Variants in COMMD1 observed in about 807,000 individuals in gnomAD.
The protein encoded by COMMD1 is copper metabolism domain containing 1.
Under a neutral mutation model 17.2 loss-of-function variants are expected in COMMD1, and 10 were observed. The ratio of observed to expected loss-of-function variants is 0.58; its 90% CI spans 0.36 to 0.99. The LOEUF is 0.99. COMMD1 is among the 50% of genes least tolerant of loss of function. The pLI is 0.01. For synonymous variants in COMMD1, 97 were observed against 91.6 expected (o/e 1.06, Z -0.34); for missense variants, 270 against 231.8 (o/e 1.17, Z -1.07).
intron 1 of COMMD1, among the ~76,000 whole-genome samples, chr2:61,958,272 T>C (rs1671246617): frequency 6.6e-6 from 1 of 150,876 alleles, no homozygotes; most frequent in Admixed American, 6.6e-5. Flanking sequence ...TTCTTTCCTT[T>C]TTTTTTTTTT....
intron 2 of COMMD1, 105 bp downstream of exon 2, chr2:62,001,087 C>T: frequency 9.2e-7 from 1 of 1,088,440 alleles, no homozygotes; most frequent in Middle Eastern, 2.9e-4. Context: ...CAGGAAAAGA[C>T]ACTGTTTCCT....
chr2:62,105,433 C>G (rs187325470), intron 2 of COMMD1, among the ~76,000 whole-genome samples: 6 of 151,392 alleles, frequency 4.0e-5, no homozygotes, highest in Admixed American at 6.6e-5. Context: ...ATTAATGCTA[C>G]ATAATATGTA....
intron 2 of COMMD1, among the ~76,000 whole-genome samples, chr2:62,065,947 G>A: frequency 6.6e-6 from 1 of 152,174 alleles, no homozygotes; most frequent in East Asian, 1.9e-4. Flanking sequence ...ATAAGAGTGG[G>A]AAATAGCTAG....
chr2:62,110,285 G>T (rs896490105), intron 2 of COMMD1, among the ~76,000 whole-genome samples: 1 of 152,040 alleles, frequency 6.6e-6, no homozygotes, highest in African/African-American at 2.4e-5. Context: ...TGCCCAGGCT[G>T]GTCATCTACT....
chr2:62,105,422 TATTA>T (rs1479993463), intron 2 of COMMD1, among the ~76,000 whole-genome samples: 1 of 152,188 alleles, frequency 6.6e-6, no homozygotes, highest in Admixed American at 6.5e-5. Context: ...TAAAATATGT[TATTA>T]ATGCTACATA....
chr2:62,015,700 TTTTTTTTTTC>T (rs1371081466), intron 2 of COMMD1, among the ~76,000 whole-genome samples: 1 of 151,232 alleles, frequency 6.6e-6, no homozygotes, highest in African/African-American at 2.4e-5. Context: ...TCTGGGTTTT[TTTTTTTTTTC>T]TTTTTTTTTT....
intron 1 of COMMD1, among the ~76,000 whole-genome samples, chr2:61,898,992 A>G (rs1454491320): frequency 2.0e-5 from 3 of 152,240 alleles, no homozygotes; most frequent in African/African-American, 7.2e-5. Context: ...TTACATTGGC[A>G]ATAGCAGCCC....
chr2:61,999,501 T>C (rs1668861862), intron 1 of COMMD1, among the ~76,000 whole-genome samples: 1 of 152,222 alleles, frequency 6.6e-6, no homozygotes, highest in Non-Finnish European at 1.5e-5. Flanking sequence ...CATTATACAG[T>C]TGAAGTATAT....
At chr2:62,088,848 G>A (rs1463401222) in intron 2 of COMMD1, among the ~76,000 whole-genome samples, 1 of 152,168 alleles carries the variant, frequency 6.6e-6, no homozygotes, top group East Asian at 1.9e-4. Flanking sequence ...GGTACAGCTT[G>A]GATTTATGTA....
intron 1 of COMMD1, among the ~76,000 whole-genome samples, chr2:61,951,077 A>G (rs995684626): frequency 1.2e-4 from 18 of 152,238 alleles, no homozygotes; most frequent in African/African-American, 3.9e-4. Flanking sequence ...CAGACTCTCT[A>G]TGGCAGCTGA....
chr2:62,047,789 A>C (rs887532450), intron 2 of COMMD1, among the ~76,000 whole-genome samples: 2 of 152,014 alleles, frequency 1.3e-5, no homozygotes, highest in Non-Finnish European at 2.9e-5. Context: ...ATCTTTTTAT[A>C]CTGTATTTTT....
chr2:61,910,958 C>A (rs1167261340), intron 1 of COMMD1, among the ~76,000 whole-genome samples: 1 of 151,622 alleles, frequency 6.6e-6, no homozygotes, highest in Non-Finnish European at 1.5e-5. Flanking sequence ...TGGTTCATGC[C>A]TGCAATCCCA....
At chr2:62,007,736 T>C (rs1669160769) in intron 2 of COMMD1, among the ~76,000 whole-genome samples, 1 of 152,214 alleles carries the variant, frequency 6.6e-6, no homozygotes, top group Admixed American at 6.5e-5. Flanking sequence ...TTTGTGTAAG[T>C]ACACTCTATC....
chr2:62,024,072 A>G (rs1011675607), intron 2 of COMMD1, among the ~76,000 whole-genome samples: 1 of 152,264 alleles, frequency 6.6e-6, no homozygotes, highest in Non-Finnish European at 1.5e-5. Flanking sequence ...CATTAAAAAC[A>G]TTTTGGTATA....
chr2:62,057,211 A>G (rs1389255500), intron 2 of COMMD1, among the ~76,000 whole-genome samples: 1 of 152,234 alleles, frequency 6.6e-6, no homozygotes, highest in African/African-American at 2.4e-5. Context: ...TAAAGTACAC[A>G]ATAAATGTAA....
chr2:62,035,927 G>A (rs1670025723), intron 2 of COMMD1, among the ~76,000 whole-genome samples: 1 of 151,960 alleles, frequency 6.6e-6, no homozygotes, highest in East Asian at 1.9e-4. Context: ...TGTGGCATGT[G>A]CCTGTAGTCC....
chr2:62,020,959 C>T (rs974789058), intron 2 of COMMD1, among the ~76,000 whole-genome samples: 12 of 151,454 alleles, frequency 7.9e-5, no homozygotes, highest in Admixed American at 7.9e-4. Flanking sequence ...GCCGAGATTG[C>T]GCCATTGCAC....
At chr2:61,972,414 G>T (rs190062219) in intron 1 of COMMD1, among the ~76,000 whole-genome samples, 9 of 152,308 alleles carry the variant, frequency 5.9e-5, no homozygotes, top group South Asian at 2.1e-4. Flanking sequence ...TGCCTCCAAG[G>T]AGGTGTCGCA....
At chr2:62,093,915 A>G (rs1021876527) in intron 2 of COMMD1, among the ~76,000 whole-genome samples, 12 of 152,218 alleles carry the variant, frequency 7.9e-5, no homozygotes, top group African/African-American at 2.9e-4. Flanking sequence ...TACAAGCTCT[A>G]GTTAATGCTA....
Sources: gnomAD v4.1 joint callset for allele counts (sites outside exome capture counted in the v4.1 genomes callset) on GRCh38, gnomAD v4.1.1 for gene constraint, MANE v1.5 for transcripts, NCBI Gene and HGNC (gene_info 2026-07-23, HGNC 2026-07-21) for gene names.